Variants in CDK11A observed in about 807,000 individuals in gnomAD.
CDK11A encodes the protein cyclin-dependent kinase 11A.
CDK11A carries 55 observed loss-of-function variants against 83.6 expected under a neutral mutation model. The ratio of observed to expected loss-of-function variants is 0.66; its 90% CI spans 0.53 to 0.82. The LOEUF (loss-of-function observed/expected upper bound fraction) is 0.82. Among genes scored for constraint, CDK11A ranks in the 40% least tolerant of loss-of-function variants. The pLI, the probability that CDK11A is intolerant of heterozygous loss-of-function variation, is 0.00. For synonymous variants in CDK11A, 247 were observed against 302.7 expected (o/e 0.82, Z 1.91); for missense variants, 564 against 810.1 (o/e 0.70, Z 3.69).
In CDK11A at chr1:1,715,697, C is replaced by T. The variant is rs552641209; in HGVS notation, c.488+649G>A. On this transcript the variant is annotated intron_variant, in intron 5 of 19. Transcript: ENST00000404249. ...ACACGCCCTTCCGCTTCAGACTCCTCTCTTCCTGGAGCAGCTTGCAAGCTT... is the reference window on the plus strand; with the variant it reads ...ACACGCCCTTCCGCTTCAGACTCCTTTCTTCCTGGAGCAGCTTGCAAGCTT... 4.6e-5 allele frequency among the ~76,000 whole-genome samples: 7 copies of T among 151,430 alleles called. No homozygotes were observed. In the East Asian group the frequency reaches 7.7e-4, roughly 17 times the overall value.
Position 1,702,749 on chromosome 1 carries a change from A to G in CDK11A, c.*158T>C. ...CAGCTCTTTCCTCCACAACAAGGAA[A>G]ATGATTTAATTCTACAAATTTACAA... On this transcript the variant is annotated 3_prime_UTR_variant, in exon 20 of 20. Transcript: ENST00000404249. 1.7e-6 allele frequency: 1 copy of G among 587,006 alleles called. No homozygotes were observed. The highest frequency in any genetic ancestry group is 2.0e-5 in the South Asian group (1 of 50,116). The allele number at this position is 587,006 out of a possible 1,614,324, so 36.4% of individuals were successfully genotyped here.
intron 3 of CDK11A, among the ~76,000 whole-genome samples, 198 bp downstream of exon 3, chr1:1,721,398 G>C (rs1644901633): frequency 1.3e-5 from 2 of 150,842 alleles, no homozygotes; most frequent in South Asian, 4.2e-4. Context: ...AGTTACAACA[G>C]CACACCCTGT....
chr1:1,721,886 C>A, intron 2 of CDK11A, 175 bp from the exon 3 acceptor site: 1 of 766,052 alleles, frequency 1.3e-6, no homozygotes, highest in Non-Finnish European at 1.8e-6. Flanking sequence ...TGCAGTGGCT[C>A]ACGCTTGTTA....
intron 9 of CDK11A, 94 bp from the exon 10 acceptor site, chr1:1,708,339 T>A: frequency 1.4e-6 from 2 of 1,452,302 alleles, no homozygotes; most frequent in Non-Finnish European, 1.9e-6. Context: ...GCAACAAGTG[T>A]TCCCAAGAAT....
At chr1:1,714,974 A>G (rs1371547153) in intron 5 of CDK11A, among the ~76,000 whole-genome samples, 1 of 150,244 alleles carries the variant, frequency 6.7e-6, no homozygotes, top group Non-Finnish European at 1.5e-5. Flanking sequence ...GGGCAAGGCC[A>G]CTGCCCACTG....
At position 1,718,334 on chromosome 1, in the gene CDK11A, C is replaced by T. The variant is rs113795278; in HGVS notation, c.355+994G>A. Among the ~76,000 whole-genome samples, 471 of 109,684 alleles carry T rather than the reference C, an allele frequency of 4.3e-3. 10 individuals are homozygous for T. The highest frequency in any genetic ancestry group is 0.014 in the African/African-American group (435 of 30,318). The allele number at this position is 109,684 out of a possible 152,430, so 72.0% of individuals were successfully genotyped here. ...GTATTCTCTCTATAGCCCCTCTGAACGGTCTGTGACACACGCATGCTTTCA... is the reference window on the plus strand; with the variant it reads ...GTATTCTCTCTATAGCCCCTCTGAATGGTCTGTGACACACGCATGCTTTCA... On this transcript the variant is annotated intron_variant, in intron 4 of 19. Coordinates refer to ENST00000404249, the MANE Select transcript of CDK11A (RefSeq NM_024011.4).
chr1:1,715,924 G>A (rs368993140), intron 5 of CDK11A, among the ~76,000 whole-genome samples: 2 of 150,470 alleles, frequency 1.3e-5, no homozygotes, highest in Non-Finnish European at 3.0e-5. Flanking sequence ...CAAGGTTTTT[G>A]GGATCTCCCT....
chr1:1,721,838 G>A, intron 2 of CDK11A, 127 bp from the exon 3 acceptor site: 9 of 1,303,806 alleles, frequency 6.9e-6, no homozygotes, highest in Middle Eastern at 2.3e-4. Context: ...TACTCTGAAT[G>A]AGCCAGTGTT....
chr1:1,703,969 G>A (rs1289340356), intron 16 of CDK11A, 29 bp from the exon 17 acceptor site: 3 of 1,608,724 alleles, frequency 1.9e-6, no homozygotes, highest in Non-Finnish European at 1.7e-6. Flanking sequence ...TGTTCAGGAA[G>A]GCCAGTGCCC....
rs183746110 is a variant in CDK11A, at chr1:1,716,343, C to A, written c.488+3G>T. The A allele has an allele frequency of 6.2e-7, 1 of 1,608,736 alleles. No homozygotes were observed. On this transcript the variant is annotated splice_donor_region_variant and intron_variant, in intron 5 of 19. Coordinates refer to ENST00000404249, the MANE Select transcript of CDK11A (RefSeq NM_024011.4). ...AAGTCCTCAACTGACCCAGCCCACT[C>A]ACCTTTCTCTCCTGGAATGCTCCCT...
chr1:1,703,560 A>G lies in CDK11A; in HGVS notation c.1976T>C (p.Met659Thr), dbSNP rs755286013. The G allele has an allele frequency of 6.4e-7, 1 of 1,569,966 alleles. No individual in the cohort carries two copies. The highest frequency in any genetic ancestry group is 1.9e-5 in the African/African-American group (1 of 53,710). The change falls in exon 18 of 20, where the codon ATG becomes ACG. Residue 659 changes from methionine (M) to threonine (T), a missense_variant. Physicochemically the swap from Met to Thr is moderately conservative, Grantham distance 81 (BLOSUM62 -1). Transcript: ENST00000404249. ...GTTGTAGGGGTGCTCGCTGAAGGTC[A>G]TCTTTTTGACTACTGGGAGCTCACT... The part of the protein sequence containing the change: ...GYSELPVVKK[M>T]TFSEHPYNNL...
At chr1:1,715,115 G>T (rs1644588515) in intron 5 of CDK11A, among the ~76,000 whole-genome samples, 1 of 131,526 alleles carries the variant, frequency 7.6e-6, no homozygotes, top group South Asian at 2.5e-4. Flanking sequence ...CAGGCCAGAA[G>T]GTCAGATTCT....
intron 11 of CDK11A, among the ~76,000 whole-genome samples, chr1:1,706,485 G>C (rs1410965571): frequency 2.0e-5 from 3 of 151,270 alleles, no homozygotes; most frequent in Non-Finnish European, 4.4e-5. Flanking sequence ...GGAGGTGGAG[G>C]CTCCAGTGAG....
chr1:1,704,680 C>A, intron 13 of CDK11A, 25 bp from the exon 14 acceptor site: 3 of 1,595,458 alleles, frequency 1.9e-6, no homozygotes, highest in Non-Finnish European at 2.6e-6. Context: ...TCTGTGGGTG[C>A]TGGGCACCTC....
chr1:1,715,814 C>T lies in CDK11A; in HGVS notation c.488+532G>A, dbSNP rs975874515. ...TCACAGAACAGATCTGGGGCTACAC[C>T]GATGTTCTTTCTTGGGAATCTGGCT... is the stretch of plus-strand genomic sequence containing the variant. On this transcript the variant is annotated intron_variant, in intron 5 of 19. Transcript: ENST00000404249. Among the ~76,000 whole-genome samples the T allele has an allele frequency of 8.6e-5, 13 of 151,030 alleles. No individual in the cohort carries two copies. The East Asian group carries it at 1.6e-3, about 18-fold the overall frequency.
At position 1,724,311 on chromosome 1, in the gene CDK11A, TC is replaced by T. The variant is rs1645021207; in HGVS notation, c.-68del. On this transcript the variant is annotated 5_prime_UTR_variant, in exon 1 of 20. Transcript: ENST00000404249. ...CCTGAGAAGAAACAGCAACCGGCGC[TC>T]GCCAGAAGTATCCTCACTTCCTGTG... is the stretch of plus-strand genomic sequence containing the variant. 6.6e-6 allele frequency: 1 copy of T among 151,606 alleles called. No homozygotes were observed. Among genetic ancestry groups the T allele is most frequent in the African/African-American group, 2.4e-5 (1 of 41,276 alleles). The allele number at this position is 151,606 out of a possible 1,614,324, so 9.4% of individuals were successfully genotyped here. A position where few individuals can be genotyped will look rare whatever the true frequency, so the allele number is the denominator to read the frequency against.
Position 1,704,355 on chromosome 1 carries a change from G to C in CDK11A, c.1565-11C>G. 3.1e-6 allele frequency: 5 copies of C among 1,606,896 alleles called. No homozygotes were observed. In the Admixed American group the frequency reaches 8.4e-5, roughly 27 times the overall value. Reference sequence around the variant, plus strand: ...GGGTCTTCACCTCCCCTGGGAGGGAGGGAGGCTCCCATGTGGACCCGGCCG... The same window carrying C: ...GGGTCTTCACCTCCCCTGGGAGGGACGGAGGCTCCCATGTGGACCCGGCCG... On this transcript the variant is annotated splice_polypyrimidine_tract_variant and intron_variant, in intron 14 of 19. Transcript: ENST00000404249.
chr1:1,704,062 G>A lies in CDK11A; in HGVS notation c.1771C>T (p.Pro591Ser). 2 of 1,595,708 alleles carry A rather than the reference G, an allele frequency of 1.3e-6. No homozygotes were observed. The highest frequency in any genetic ancestry group is 1.7e-6 in the Non-Finnish European group (2 of 1,168,768). ...PVVVTQWYRA[P>S]ELLLGAKEYS... ...ACCTTGGCACCAAGCAGCAGCTCTG[G>A]GGCGCGGTACCACTGGGTCACCACG... The change falls in exon 16 of 20, where the codon CCA becomes TCA. Residue 591 changes from proline to serine, a missense_variant. Pro to Ser is a moderately conservative substitution (Grantham distance 74). This residue lies in a region of CDK11A where 361 missense variants were observed against 402.7 expected (regional missense o/e 0.90). Coordinates refer to ENST00000404249, the MANE Select transcript of CDK11A (RefSeq NM_024011.4).
rs1644782719 is a variant in CDK11A, at chr1:1,718,809, T to C, written c.355+519A>G. Among the ~76,000 whole-genome samples the C allele has an allele frequency of 3.3e-5, 5 of 150,272 alleles. No homozygotes were observed. In the South Asian group the frequency reaches 1.1e-3, roughly 32 times the overall value. Reference sequence around the variant, plus strand: ...CCGCCACCACGCCCGGCTAATTTTTTGTATTTTTAGTAGAGACTGGGTTTC... The same window carrying C: ...CCGCCACCACGCCCGGCTAATTTTTCGTATTTTTAGTAGAGACTGGGTTTC... On this transcript the variant is annotated intron_variant, in intron 4 of 19. Transcript: ENST00000404249.
Sources: gnomAD v4.1 joint callset for allele counts (sites outside exome capture counted in the v4.1 genomes callset) on GRCh38, gnomAD v4.1.1 for gene constraint, gnomAD v4.1.1 regional missense constraint, MANE v1.5 for transcripts, NCBI Gene and HGNC (gene_info 2026-07-23, HGNC 2026-07-21) for gene names.